Variants in STAM observed in about 807,000 individuals in gnomAD.
STAM encodes the protein signal transducing adapter molecule 1.
A neutral mutation model predicts 63.4 loss-of-function variants in STAM; 16 were observed. That is an observed-to-expected ratio of 0.25 (90% CI 0.17 to 0.38). The LOEUF (loss-of-function observed/expected upper bound fraction) is 0.38. STAM is among the 10% of genes least tolerant of loss of function. The pLI, the probability that STAM is intolerant of heterozygous loss-of-function variation, is 1.00. For synonymous variants in STAM, 238 were observed against 223.9 expected, an observed-to-expected ratio of 1.06 and a Z score of -0.56; for missense variants, 636 against 657.1, an observed-to-expected ratio of 0.97 and a Z score of 0.35.
chr10:17,698,884 C>G (rs964061561), intron 8 of STAM, among the ~76,000 whole-genome samples: 19 of 152,108 alleles, frequency 1.2e-4, no homozygotes, highest in African/African-American at 4.1e-4. Flanking sequence ...CTTGTAATAG[C>G]TCAAGATATA....
intron 8 of STAM, among the ~76,000 whole-genome samples, chr10:17,699,651 A>G (rs1348235403): frequency 6.6e-6 from 1 of 152,226 alleles, no homozygotes; most frequent in Non-Finnish European, 1.5e-5. Flanking sequence ...GGCCACCTGC[A>G]AAGTTCTCCA....
chr10:17,661,591 C>A (rs1178835851), intron 2 of STAM, among the ~76,000 whole-genome samples: 2 of 152,146 alleles, frequency 1.3e-5, no homozygotes, highest in African/African-American at 4.8e-5. Context: ...CATCTAGAAA[C>A]CAGAACTCCT....
intron 1 of STAM, among the ~76,000 whole-genome samples, chr10:17,649,012 C>G (rs1304532499): frequency 6.6e-6 from 1 of 152,204 alleles, no homozygotes; most frequent in Non-Finnish European, 1.5e-5. Flanking sequence ...ATACTCCTCA[C>G]CCAGGTATTT....
chr10:17,715,035 A>G lies in STAM; in HGVS notation c.*255A>G. On this transcript the variant is annotated 3_prime_UTR_variant, in exon 14 of 14. Coordinates refer to ENST00000377524, the MANE Select transcript of STAM (RefSeq NM_003473.4). ...TTCATAATATGAAAGAATTGATACA[A>G]GGCTATTTGTCTCGTAAACCTGGTC... 1 of 472,736 alleles carries G rather than the reference A, an allele frequency of 2.1e-6. No homozygotes were observed. The highest frequency in any genetic ancestry group is 3.4e-5 in the Admixed American group (1 of 29,410). The allele number at this position is 472,736 out of a possible 1,614,324, so 29.3% of individuals were successfully genotyped here. A position where few individuals can be genotyped will look rare whatever the true frequency, so the allele number is the denominator to read the frequency against.
intron 1 of STAM, among the ~76,000 whole-genome samples, chr10:17,657,337 C>T (rs782320922): frequency 2.2e-4 from 33 of 152,172 alleles, no homozygotes; most frequent in Non-Finnish European, 7.3e-5. Context: ...GGAGAACCCT[C>T]TCCTGCCCTG....
intron 2 of STAM, among the ~76,000 whole-genome samples, chr10:17,674,436 G>T (rs1028507177): frequency 9.2e-5 from 14 of 152,222 alleles, no homozygotes; most frequent in Admixed American, 5.9e-4. Context: ...GGCTTCACTG[G>T]GATGGATGCT....
chr10:17,661,677 C>G (rs930310665), intron 2 of STAM, among the ~76,000 whole-genome samples: 2 of 152,184 alleles, frequency 1.3e-5, no homozygotes, highest in South Asian at 4.1e-4. Context: ...TTTCATTGCA[C>G]TAAAACTTGA....
At chr10:17,650,188 G>T (rs1436553684) in intron 1 of STAM, among the ~76,000 whole-genome samples, 1 of 152,188 alleles carries the variant, frequency 6.6e-6, no homozygotes, top group African/African-American at 2.4e-5. Context: ...ATGATAGAAA[G>T]ACCTTGGGCT....
intron 2 of STAM, among the ~76,000 whole-genome samples, chr10:17,675,693 C>G (rs1479438105): frequency 6.6e-6 from 1 of 152,132 alleles, no homozygotes; most frequent in African/African-American, 2.4e-5. Flanking sequence ...TCTTCTTGTT[C>G]ACTACTTTAT....
At chr10:17,677,363 A>G (rs1209249461) in intron 2 of STAM, among the ~76,000 whole-genome samples, 1 of 152,228 alleles carries the variant, frequency 6.6e-6, no homozygotes, top group East Asian at 1.9e-4. Context: ...AAGAAAGTAT[A>G]CAGGATTATT....
chr10:17,679,428 A>G (rs896401731), intron 2 of STAM, among the ~76,000 whole-genome samples: 1 of 152,206 alleles, frequency 6.6e-6, no homozygotes, highest in Admixed American at 6.5e-5. Context: ...CGTTGTTGAG[A>G]TGTAGGAGTT....
At chr10:17,700,081 CTTGCT>C in intron 8 of STAM, 105 bp from the exon 9 acceptor site, 1 of 783,770 alleles carries the variant, frequency 1.3e-6, no homozygotes, top group Non-Finnish European at 1.9e-6. Flanking sequence ...CGCCTTTTAG[CTTGCT>C]GGGAGTATAA....
intron 1 of STAM, among the ~76,000 whole-genome samples, chr10:17,644,596 A>G (rs1833447183): frequency 6.6e-6 from 1 of 152,164 alleles, no homozygotes; most frequent in Admixed American, 6.5e-5. Context: ...GCCTTGAGCT[A>G]GGACTGTAGG....
chr10:17,645,227 C>G (rs1187167692), intron 1 of STAM, among the ~76,000 whole-genome samples: 1 of 152,040 alleles, frequency 6.6e-6, no homozygotes, highest in Non-Finnish European at 1.5e-5. Context: ...GTAGGAACTA[C>G]CTTGGCACAC....
intron 9 of STAM, among the ~76,000 whole-genome samples, chr10:17,702,265 T>C (rs868916671): frequency 1.6e-4 from 25 of 152,174 alleles, no homozygotes; most frequent in African/African-American, 5.5e-4. Flanking sequence ...TTACATACTT[T>C]TAGTGCAAAG....
At chr10:17,645,638 C>G (rs1374642968) in intron 1 of STAM, among the ~76,000 whole-genome samples, 3 of 152,030 alleles carry the variant, frequency 2.0e-5, no homozygotes, top group Non-Finnish European at 4.4e-5. Flanking sequence ...TTTGTTCCAC[C>G]TTAAATGAGT....
chr10:17,665,566 G>A (rs1467145120), intron 2 of STAM, among the ~76,000 whole-genome samples: 1 of 151,688 alleles, frequency 6.6e-6, no homozygotes, highest in East Asian at 1.9e-4. Context: ...TATCCTGTCA[G>A]TCTTAGAAAT....
intron 5 of STAM, among the ~76,000 whole-genome samples, chr10:17,688,514 G>C (rs2131640063): frequency 6.6e-6 from 1 of 152,264 alleles, no homozygotes; most frequent in African/African-American, 2.4e-5. Flanking sequence ...CCTGGGTAGA[G>C]TGCAGTAGCG....
chr10:17,668,057 TTAA>T (rs1834469522), intron 2 of STAM, among the ~76,000 whole-genome samples: 1 of 152,062 alleles, frequency 6.6e-6, no homozygotes. Context: ...TCCATCGGAG[TTAA>T]TAAGATGTGA....
Sources: gnomAD v4.1 joint callset for allele counts (sites outside exome capture counted in the v4.1 genomes callset) on GRCh38, gnomAD v4.1.1 for gene constraint, MANE v1.5 for transcripts, NCBI Gene and HGNC (gene_info 2026-07-23, HGNC 2026-07-21) for gene names.